ZNF793: variants seen among roughly 807,000 people sequenced by gnomAD.
ZNF793 encodes zinc finger protein 793.
ZNF793 carries 5 observed loss-of-function variants against 12.4 expected under a neutral mutation model. The observed-to-expected ratio is 0.40, with a 90% confidence interval of 0.21 to 0.84. ZNF793 has a LOEUF of 0.84. Among genes scored for constraint, ZNF793 ranks in the 40% least tolerant of loss-of-function variants. The probability of loss-of-function intolerance (pLI) is 0.35; values close to 1 mark genes in which losing one functional copy is unlikely to be tolerated. For missense variants in ZNF793, 456 were observed against 495.0 expected, an observed-to-expected ratio of 0.92 and a Z score of 0.75; for synonymous variants, 162 against 172.4, an observed-to-expected ratio of 0.94 and a Z score of 0.47.
At chr19:37,511,309 T>A (rs2042293022) in intron 2 of ZNF793, among the ~76,000 whole-genome samples, 2 of 152,208 alleles carry the variant, frequency 1.3e-5, no homozygotes, top group Admixed American at 1.3e-4. Flanking sequence ...TTGAATCATA[T>A]AAACGTGAAG....
intron 3 of ZNF793, among the ~76,000 whole-genome samples, chr19:37,521,431 T>C (rs971263803): frequency 2.2e-5 from 3 of 137,850 alleles, no homozygotes; most frequent in South Asian, 2.3e-4. Flanking sequence ...TCAATTCTCT[T>C]TTTTTTTTTT....
intron 2 of ZNF793, among the ~76,000 whole-genome samples, chr19:37,517,485 G>A (rs2042341927): frequency 6.6e-6 from 1 of 150,702 alleles, no homozygotes; most frequent in African/African-American, 2.4e-5. Context: ...AATGTGCACA[G>A]CAAATGTTAC....
intron 5 of ZNF793, among the ~76,000 whole-genome samples, chr19:37,527,211 C>T (rs1453063192): frequency 6.6e-6 from 1 of 151,926 alleles, no homozygotes; most frequent in Admixed American, 6.6e-5. Context: ...TGTGCTACCA[C>T]CCTGGCTAAT....
intron 5 of ZNF793, among the ~76,000 whole-genome samples, chr19:37,529,010 C>T (rs892957267): frequency 6.6e-6 from 1 of 152,148 alleles, no homozygotes; most frequent in African/African-American, 2.4e-5. Context: ...CTTTGTTCCT[C>T]ATGGTTTCCT....
intron 7 of ZNF793, chr19:37,536,184 C>T (rs2042503322): frequency 5.8e-6 from 2 of 343,104 alleles, no homozygotes; most frequent in Non-Finnish European, 1.0e-5. Flanking sequence ...ATTTTTTAAT[C>T]TGTTTCACCT....
rs571551520 is a variant in ZNF793, at chr19:37,538,964, C to T, written c.*1085C>T. ...TCTTAACAATACAAAAAAATAACAA[C>T]AACATGGCCCACTATTGTTAAAAGA... On this transcript the variant is annotated 3_prime_UTR_variant, in exon 8 of 8. Transcript: ENST00000627814. 2.6e-5 allele frequency: 4 copies of T among 152,264 alleles called. No individual in the cohort carries two copies. Among genetic ancestry groups the T allele is most frequent in the Admixed American group, 1.3e-4 (2 of 15,298 alleles). 9.4% of individuals were successfully genotyped at this position (152,264 alleles called of 1,614,324 possible).
chr19:37,538,077 A>AT lies in ZNF793; in HGVS notation c.*198_*199insT. 2 of 554,640 alleles carry AT rather than the reference A, an allele frequency of 3.6e-6. No individual in the cohort carries two copies. The highest frequency in any genetic ancestry group is 6.0e-6 in the Non-Finnish European group (2 of 335,442). 34.4% of individuals were successfully genotyped at this position (554,640 alleles called of 1,614,324 possible). A position where few individuals can be genotyped will look rare whatever the true frequency, so the allele number is the denominator to read the frequency against. ...CAGGTGCCCACCACCATGCCCGGCT[A>AT]ATTTTTTTTTTGTATTTTTAGTAGA... On this transcript the variant is annotated 3_prime_UTR_variant, in exon 8 of 8. Transcript: ENST00000627814.
intron 2 of ZNF793, among the ~76,000 whole-genome samples, chr19:37,517,561 C>T (rs897423634): frequency 2.6e-5 from 4 of 152,050 alleles, no homozygotes; most frequent in African/African-American, 7.2e-5. Flanking sequence ...TAAACCCAAG[C>T]GCCACAGCCA....
At chr19:37,528,349 A>C (rs1227073316) in intron 5 of ZNF793, among the ~76,000 whole-genome samples, 1 of 151,994 alleles carries the variant, frequency 6.6e-6, no homozygotes, top group African/African-American at 2.4e-5. Context: ...GTGGTTGATC[A>C]TGTAGAAAGG....
rs2042390302 is a variant in ZNF793, at chr19:37,523,419, C to CT, written c.-16dup. 1 of 1,613,078 alleles carries CT rather than the reference C, an allele frequency of 6.2e-7. No individual in the cohort carries two copies. ...CCCCACATGTCTACAGGTGTCAGAT[C>CT]TTTTTCAAGAACAGCAGAAAATGAT... On this transcript the variant is annotated 5_prime_UTR_variant, in exon 5 of 8. Transcript: ENST00000627814.
At position 37,537,911 on chromosome 19, in the gene ZNF793, ATTT is replaced by A. The variant is rs369737171; in HGVS notation, c.*48_*50del. The A allele has an allele frequency of 5.8e-4, 781 of 1,346,914 alleles. No individual in the cohort carries two copies. The highest frequency in any genetic ancestry group is 1.0e-3 in the East Asian group (38 of 37,800). The allele number at this position is 1,346,914 out of a possible 1,614,324, so 83.4% of individuals were successfully genotyped here. A position where few individuals can be genotyped will look rare whatever the true frequency, so the allele number is the denominator to read the frequency against. Reference sequence around the variant, plus strand: ...TATCTGGTTTCATGGTATGTAGGGAATTTTTTTTTTTTTTTTTTGAGTTGGAAT... The same window carrying A: ...TATCTGGTTTCATGGTATGTAGGGAATTTTTTTTTTTTTTTGAGTTGGAAT... On this transcript the variant is annotated 3_prime_UTR_variant, in exon 8 of 8. Coordinates refer to ENST00000627814, the MANE Select transcript of ZNF793 (RefSeq NM_001013659.3).
In ZNF793 at chr19:37,541,033, A is replaced by G. The variant is rs539665564; in HGVS notation, c.*3154A>G. The stretch of plus-strand genomic sequence containing the variant: ...AAGATAACATGAAGCCATTCTAATG[A>G]AATTAATATTGTATTGGCAAAGGAA... On this transcript the variant is annotated 3_prime_UTR_variant, in exon 8 of 8. Transcript: ENST00000627814. The G allele has an allele frequency of 5.9e-5, 9 of 152,254 alleles. No individual in the cohort carries two copies. The East Asian group carries it at 1.7e-3, about 29-fold the overall frequency. The allele number at this position is 152,254 out of a possible 1,614,324, so 9.4% of individuals were successfully genotyped here.
At chr19:37,536,345 C>T (rs371548590) in intron 7 of ZNF793, 55 of 397,596 alleles carry the variant, frequency 1.4e-4, no homozygotes, top group South Asian at 2.8e-4. Flanking sequence ...AGGTCTGGGG[C>T]GGTGCCTTAG....
chr19:37,529,749 TCC>T (rs1425013302), intron 5 of ZNF793, among the ~76,000 whole-genome samples: 1 of 152,172 alleles, frequency 6.6e-6, no homozygotes, highest in East Asian at 1.9e-4. Context: ...TGCCTCAGCC[TCC>T]TGAAGTGCTG....
chr19:37,514,661 T>C (rs895754912), intron 2 of ZNF793, among the ~76,000 whole-genome samples: 6 of 152,186 alleles, frequency 3.9e-5, no homozygotes, highest in Admixed American at 3.9e-4. Flanking sequence ...CCAACCCTTT[T>C]TTTTTTATAT....
intron 2 of ZNF793, among the ~76,000 whole-genome samples, 181 bp downstream of exon 2, chr19:37,508,584 A>AAG (rs1237694609): frequency 1.3e-5 from 2 of 152,004 alleles, no homozygotes; most frequent in Non-Finnish European, 2.9e-5. Context: ...CGGGCGCCTG[A>AAG]GGTCCCAGCT....
In ZNF793 at chr19:37,532,434, C is replaced by T. The variant is rs1034401447; in HGVS notation, c.94C>T (p.Leu32=). The T allele has an allele frequency of 3.7e-6, 6 of 1,613,776 alleles. No homozygotes were observed. The African/African-American group carries it at 5.3e-5, about 14-fold the overall frequency. ...CCGGCTGAGTCCTGCTCAGAGGGCC[C>T]TGTACCGGGATGTGATGCTGGAAAC... ...WHRLSPAQRA[L]YRDVMLETYS... is the part of the protein sequence containing the mutation. The change falls in exon 6 of 8, where the codon CTG becomes TTG. Residue 32 remains leucine (L), a synonymous_variant. Coordinates refer to ENST00000627814, the MANE Select transcript of ZNF793 (RefSeq NM_001013659.3).
intron 2 of ZNF793, among the ~76,000 whole-genome samples, chr19:37,513,082 T>C (rs759846297): frequency 6.6e-6 from 1 of 152,226 alleles, no homozygotes; most frequent in South Asian, 2.1e-4. Flanking sequence ...TCCTTCTCAA[T>C]GTACCATACC....
rs1333699345 is a variant in ZNF793, at chr19:37,539,394, C to T, written c.*1515C>T. ...CACTGAAGGAGAATTTCTTTTCTCT[C>T]TATCCCTCTGCAAATTAATTCAAGA... On this transcript the variant is annotated 3_prime_UTR_variant, in exon 8 of 8. Transcript: ENST00000627814. 6.6e-6 allele frequency: 1 copy of T among 152,186 alleles called. No homozygotes were observed. Among genetic ancestry groups the T allele is most frequent in the African/African-American group, 2.4e-5 (1 of 41,464 alleles). 9.4% of individuals were successfully genotyped at this position (152,186 alleles called of 1,614,324 possible).
Sources: allele counts gnomAD v4.1 joint callset (sites outside exome capture counted in the v4.1 genomes callset), GRCh38; gene constraint gnomAD v4.1.1; transcripts MANE v1.5; gene names NCBI Gene and HGNC (gene_info 2026-07-23, HGNC 2026-07-21).